The following SH3GLB1 variants were observed in gnomAD, a reference collection of about 807,000 sequenced individuals.
The protein encoded by SH3GLB1 is SH3 domain containing GRB2 like, endophilin B1, also known as endophilin-B1.
SH3GLB1 carries 17 observed loss-of-function variants against 42.0 expected under a neutral mutation model. That is an observed-to-expected ratio of 0.40 (90% confidence interval 0.28 to 0.61). The LOEUF is 0.61. SH3GLB1 is among the 20% of genes least tolerant of loss of function. The probability of loss-of-function intolerance (pLI) is 0.36; values close to 1 mark genes in which losing one functional copy is unlikely to be tolerated. For synonymous variants in SH3GLB1, 132 were observed against 146.6 expected, an observed-to-expected ratio of 0.90 and a Z score of 0.72; for missense variants, 355 against 426.3, an observed-to-expected ratio of 0.83 and a Z score of 1.47.
intron 5 of SH3GLB1, among the ~76,000 whole-genome samples, chr1:86,724,912 T>TATATATATATATATATATATATATAA (rs1380448898): frequency 4.1e-5 from 5 of 123,112 alleles, no homozygotes; most frequent in African/African-American, 1.4e-4. Flanking sequence ...TATATATATA[T>TATATATATATATATATATATATATAA]AAAATATATA....
intron 4 of SH3GLB1, 73 bp downstream of exon 4, chr1:86,722,746 C>A (rs1358505262): frequency 1.6e-6 from 2 of 1,236,428 alleles, no homozygotes; most frequent in African/African-American, 1.6e-5. Context: ...ATAATTTGGC[C>A]TCTTAATGAC....
chr1:86,719,353 C>CT (rs1385302551), intron 2 of SH3GLB1, among the ~76,000 whole-genome samples, 154 bp from the exon 3 acceptor site: 1 of 151,666 alleles, frequency 6.6e-6, no homozygotes, highest in Non-Finnish European at 1.5e-5. Flanking sequence ...ATATAATAGT[C>CT]TAACATAAAA....
intron 2 of SH3GLB1, among the ~76,000 whole-genome samples, chr1:86,716,449 T>G (rs76089477): frequency 0.025 from 3,742 of 152,002 alleles, 104 homozygotes; most frequent in African/African-American, 0.073. Context: ...TAATTTTTTT[T>G]TGTGTGTGTG....
At chr1:86,712,750 T>G (rs1654284030) in intron 1 of SH3GLB1, among the ~76,000 whole-genome samples, 2 of 149,898 alleles carry the variant, frequency 1.3e-5, no homozygotes, top group Admixed American at 6.6e-5. Context: ...ATGTATCTTC[T>G]GAACTAAAAT....
chr1:86,740,067 T>C (rs961944582), intron 7 of SH3GLB1, among the ~76,000 whole-genome samples: 1 of 151,970 alleles, frequency 6.6e-6, no homozygotes, highest in Non-Finnish European at 1.5e-5. Context: ...AATTGCTTGC[T>C]TAAGCCCAGG....
chr1:86,731,420 G>A (rs1192271425), intron 5 of SH3GLB1, among the ~76,000 whole-genome samples: 1 of 152,142 alleles, frequency 6.6e-6, no homozygotes, highest in Non-Finnish European at 1.5e-5. Context: ...TCTCCAGTAT[G>A]AAATTCTTAC....
chr1:86,710,551 CA>C (rs1327542173), intron 1 of SH3GLB1, among the ~76,000 whole-genome samples: 1 of 152,236 alleles, frequency 6.6e-6, no homozygotes, highest in Non-Finnish European at 1.5e-5. Flanking sequence ...AGGCATGAGC[CA>C]CCGTGCCTGG....
At chr1:86,729,177 C>T (rs1197531290) in intron 5 of SH3GLB1, among the ~76,000 whole-genome samples, 6 of 152,120 alleles carry the variant, frequency 3.9e-5, no homozygotes, top group Non-Finnish European at 7.4e-5. Context: ...AATTTGTGCA[C>T]ATTAACCAAT....
In SH3GLB1 at chr1:86,747,807, C is replaced by T. The variant is rs1479915723; in HGVS notation, c.*4572C>T. On this transcript the variant is annotated 3_prime_UTR_variant, in exon 9 of 9. Coordinates refer to ENST00000370558, the MANE Select transcript of SH3GLB1 (RefSeq NM_016009.5). Reference sequence around the variant, plus strand: ...TTGCTAAGTTCTGCTCTCATTCTTACTTCAAAGGACACTTTTTAAAGAATT... The same window carrying T: ...TTGCTAAGTTCTGCTCTCATTCTTATTTCAAAGGACACTTTTTAAAGAATT... 2 of 152,200 alleles carry T rather than the reference C, an allele frequency of 1.3e-5. No homozygotes were observed. The highest frequency in any genetic ancestry group is 4.8e-5 in the African/African-American group (2 of 41,442). The allele number at this position is 152,200 out of a possible 1,614,324, so 9.4% of individuals were successfully genotyped here. A position where few individuals can be genotyped will look rare whatever the true frequency, so the allele number is the denominator to read the frequency against.
chr1:86,706,005 C>T (rs1194896782), intron 1 of SH3GLB1, among the ~76,000 whole-genome samples: 1 of 152,222 alleles, frequency 6.6e-6, no homozygotes, highest in Non-Finnish European at 1.5e-5. Flanking sequence ...ATTGCACTAT[C>T]CCTGGCAAAA....
chr1:86,743,077 C>A, intron 8 of SH3GLB1, 51 bp from the exon 9 acceptor site: 1 of 1,390,770 alleles, frequency 7.2e-7, no homozygotes. Flanking sequence ...TGGTTTTCTA[C>A]TTGTTTATTT....
intron 1 of SH3GLB1, among the ~76,000 whole-genome samples, chr1:86,714,229 A>G (rs913745399): frequency 1.3e-5 from 2 of 152,300 alleles, no homozygotes; most frequent in African/African-American, 4.8e-5. Context: ...GTAAAAGTCT[A>G]GTAGGAGGTC....
intron 1 of SH3GLB1, among the ~76,000 whole-genome samples, chr1:86,707,245 A>T (rs558124231): frequency 6.6e-6 from 1 of 152,328 alleles, no homozygotes; most frequent in Non-Finnish European, 1.5e-5. Flanking sequence ...TTCTAATAGG[A>T]TGAAATTCAA....
At chr1:86,712,324 C>T (rs941780927) in intron 1 of SH3GLB1, among the ~76,000 whole-genome samples, 3 of 151,854 alleles carry the variant, frequency 2.0e-5, no homozygotes, top group African/African-American at 7.3e-5. Context: ...AAAGGAAGCA[C>T]AGAATATGAT....
rs775884123 is a variant in SH3GLB1, at chr1:86,704,938, C to T, written c.39C>T (p.Ala13=). ...ACTTCAACGTGAAGAAGCTGGCGGC[C>T]GACGCAGGCACCTTCCTCAGTCGCG... ...IMDFNVKKLA[A]DAGTFLSRAV... is the part of the protein sequence containing the mutation. Residue 13 remains alanine, a synonymous_variant, in exon 1 of 9, where the codon GCC becomes GCT. Coordinates refer to ENST00000370558, the MANE Select transcript of SH3GLB1 (RefSeq NM_016009.5). The T allele has an allele frequency of 6.3e-7, 1 of 1,585,680 alleles. No individual in the cohort carries two copies. Among genetic ancestry groups the T allele is most frequent in the Non-Finnish European group, 8.6e-7 (1 of 1,168,390 alleles).
At chr1:86,742,886 G>A (rs796465765) in intron 8 of SH3GLB1, among the ~76,000 whole-genome samples, 16 of 152,196 alleles carry the variant, frequency 1.1e-4, no homozygotes, top group African/African-American at 3.6e-4. Context: ...GTTTGAACAC[G>A]AAAGGTCAAG....
At chr1:86,739,408 A>G (rs1655946762) in intron 7 of SH3GLB1, among the ~76,000 whole-genome samples, 1 of 152,204 alleles carries the variant, frequency 6.6e-6, no homozygotes, top group African/African-American at 2.4e-5. Context: ...GTGGGAGAGA[A>G]TGGTCACTGC....
chr1:86,735,115 G>A lies in SH3GLB1; in HGVS notation c.697G>A (p.Ala233Thr). 1.2e-6 allele frequency: 2 copies of A among 1,612,944 alleles called. No individual in the cohort carries two copies. Among genetic ancestry groups the A allele is most frequent in the Non-Finnish European group, 1.7e-6 (2 of 1,179,118 alleles). Residue 233 changes from alanine to threonine, a missense_variant, in exon 7 of 9, where the codon GCC (alanine) becomes ACC (threonine). Transcript: ENST00000370558. ...HLRCLNDFVEAQMTYYAQCYQ... is the reference protein window; with the variant it reads ...HLRCLNDFVETQMTYYAQCYQ... ...TCGCTGTCTGAATGACTTTGTAGAA[G>A]CCCAGATGACTTACTATGCACAGTG...
At chr1:86,724,892 A>AAAAAATATATATATATATATATAT (rs1291454820) in intron 5 of SH3GLB1, among the ~76,000 whole-genome samples, 21 of 99,652 alleles carry the variant, frequency 2.1e-4, no homozygotes, top group South Asian at 3.0e-4. Context: ...AAAAAAAAAA[A>AAAAAATATATATATATATATATAT]ATATATATAT....
Sources: allele counts gnomAD v4.1 joint callset (sites outside exome capture counted in the v4.1 genomes callset), GRCh38; gene constraint gnomAD v4.1.1; transcripts MANE v1.5; gene names NCBI Gene and HGNC (gene_info 2026-07-23, HGNC 2026-07-21).